The following SPSB4 variants were observed in gnomAD, a reference collection of about 807,000 sequenced individuals.
The protein encoded by SPSB4 is SPRY domain-containing SOCS box protein 4.
Under a neutral mutation model 20.9 loss-of-function variants are expected in SPSB4, and 21 were observed. The ratio of observed to expected loss-of-function variants is 1.01; its 90% CI spans 0.71 to 1.45. SPSB4 has a LOEUF of 1.45. Ranked by LOEUF, SPSB4 falls within the 40% of genes most tolerant of loss-of-function variation. SPSB4 has a pLI of 0.00. For synonymous variants in SPSB4, 207 were observed against 183.8 expected, an observed-to-expected ratio of 1.13 and a Z score of -1.02; for missense variants, 399 against 399.2, an observed-to-expected ratio of 1.00 and a Z score of 0.00.
chr3:141,097,208 G>A (rs1380915671), intron 2 of SPSB4, among the ~76,000 whole-genome samples: 1 of 151,730 alleles, frequency 6.6e-6, no homozygotes, highest in African/African-American at 2.4e-5. Context: ...GCTGTAGTCT[G>A]GCCAGGGCCT....
rs984489719 is a variant in SPSB4 at position 141,059,501 on chromosome 3, G to A, written c.-153-6451G>A. On this transcript the variant is annotated intron_variant, in intron 1 of 2. Coordinates refer to ENST00000310546, the MANE Select transcript of SPSB4 (RefSeq NM_080862.3). Reference sequence around the variant, plus strand: ...GGTGAAAACAAGAGCAAGAGGCGGGGGTGGGGAGGTGTCACACACTTTTAA... The same window carrying A: ...GGTGAAAACAAGAGCAAGAGGCGGGAGTGGGGAGGTGTCACACACTTTTAA... Among the ~76,000 whole-genome samples, 4 of 151,542 alleles carry A rather than the reference G, an allele frequency of 2.6e-5. No homozygotes were observed. The South Asian group carries it at 8.4e-4, about 32-fold the overall frequency.
At chr3:141,119,077 G>C (rs1938923740) in intron 2 of SPSB4, among the ~76,000 whole-genome samples, 1 of 152,126 alleles carries the variant, frequency 6.6e-6, no homozygotes. Context: ...AAATTACCTT[G>C]GGCAGTATGA....
chr3:141,142,189 T>G (rs1030395561), intron 2 of SPSB4, among the ~76,000 whole-genome samples: 3 of 152,248 alleles, frequency 2.0e-5, no homozygotes, highest in African/African-American at 7.2e-5. Flanking sequence ...TGCTATGAAC[T>G]TTCCTCTTAG....
chr3:141,088,125 G>A (rs55933242), intron 2 of SPSB4, among the ~76,000 whole-genome samples: 9 of 151,894 alleles, frequency 5.9e-5, no homozygotes, highest in Admixed American at 2.0e-4. Flanking sequence ...CTGAAACTCC[G>A]TCCCCCAGGG....
intron 2 of SPSB4, among the ~76,000 whole-genome samples, chr3:141,107,945 ACT>A (rs754052672): frequency 1.1e-4 from 16 of 150,308 alleles, no homozygotes; most frequent in Non-Finnish European, 2.1e-4. Context: ...ACAGAGCGAG[ACT>A]CTGTCTTAAA....
intron 2 of SPSB4, among the ~76,000 whole-genome samples, chr3:141,086,788 G>A (rs1479840749): frequency 6.6e-6 from 1 of 152,226 alleles, no homozygotes; most frequent in African/African-American, 2.4e-5. Flanking sequence ...TCTGTTATCA[G>A]CACTTTATAT....
chr3:141,116,880 T>G (rs1938887770), intron 2 of SPSB4, among the ~76,000 whole-genome samples: 1 of 152,192 alleles, frequency 6.6e-6, no homozygotes, highest in Admixed American at 6.5e-5. Flanking sequence ...CTGCTTCTGA[T>G]GAGAAGATTG....
At chr3:141,128,927 C>A (rs536769184) in intron 2 of SPSB4, among the ~76,000 whole-genome samples, 1 of 152,244 alleles carries the variant, frequency 6.6e-6, no homozygotes, top group African/African-American at 2.4e-5. Flanking sequence ...TTCTAGGGCT[C>A]CTTTTTCATT....
intron 2 of SPSB4, among the ~76,000 whole-genome samples, chr3:141,078,038 A>G (rs1341069466): frequency 6.6e-6 from 1 of 152,194 alleles, no homozygotes; most frequent in Admixed American, 6.5e-5. Context: ...TGGCAACTTT[A>G]TAATGTGCAA....
In SPSB4 at chr3:141,065,952, G is replaced by C; in HGVS notation, c.-153G>C. On this transcript the variant is annotated splice_region_variant and 5_prime_UTR_variant, in exon 2 of 3. Coordinates refer to ENST00000310546, the MANE Select transcript of SPSB4 (RefSeq NM_080862.3). The stretch of plus-strand genomic sequence containing the variant: ...ACCCGTGCCCTTTGCTTCCTTCCAG[G>C]AGCTTGGGCCCCTGCCGCAGCCCGG... 4 of 643,776 alleles carry C rather than the reference G, an allele frequency of 6.2e-6. No homozygotes were observed. The highest frequency in any genetic ancestry group is 2.5e-6 in the Non-Finnish European group (1 of 403,312). The allele number at this position is 643,776 out of a possible 1,614,324, so 39.9% of individuals were successfully genotyped here. A position where few individuals can be genotyped will look rare whatever the true frequency, so the allele number is the denominator to read the frequency against.
At chr3:141,059,959 C>G (rs780237931) in intron 1 of SPSB4, among the ~76,000 whole-genome samples, 1 of 152,244 alleles carries the variant, frequency 6.6e-6, no homozygotes, top group Non-Finnish European at 1.5e-5. Context: ...GGATTCACAT[C>G]TAGGTCTCCT....
chr3:141,143,347 G>C (rs552029954), intron 2 of SPSB4, among the ~76,000 whole-genome samples: 1 of 152,148 alleles, frequency 6.6e-6, no homozygotes, highest in African/African-American at 2.4e-5. Flanking sequence ...CCCTAGGGAC[G>C]GGGCTACCTG....
intron 2 of SPSB4, among the ~76,000 whole-genome samples, chr3:141,109,835 G>T (rs1031523534): frequency 2.0e-5 from 3 of 152,328 alleles, no homozygotes; most frequent in East Asian, 1.9e-4. Flanking sequence ...GTCACAGGCT[G>T]GGAGCAGTGC....
At chr3:141,070,218 A>G (rs1258878231) in intron 2 of SPSB4, among the ~76,000 whole-genome samples, 1 of 152,200 alleles carries the variant, frequency 6.6e-6, no homozygotes, top group East Asian at 1.9e-4. Context: ...AATAATAATA[A>G]TAATAGCAAC....
At chr3:141,060,195 A>G (rs181836285) in intron 1 of SPSB4, among the ~76,000 whole-genome samples, 2 of 152,286 alleles carry the variant, frequency 1.3e-5, no homozygotes, top group Middle Eastern at 3.4e-3. Flanking sequence ...TGGGCCCTCA[A>G]TGACCCAGTA....
intron 2 of SPSB4, among the ~76,000 whole-genome samples, chr3:141,120,719 G>C (rs1489824023): frequency 6.6e-6 from 1 of 152,156 alleles, no homozygotes; most frequent in Non-Finnish European, 1.5e-5. Context: ...TTTTATCAGA[G>C]ACTAGGATTG....
chr3:141,082,472 C>T (rs755135474), intron 2 of SPSB4, among the ~76,000 whole-genome samples: 185 of 152,324 alleles, frequency 1.2e-3, no homozygotes, highest in Non-Finnish European at 2.3e-3. Flanking sequence ...AGGTCCACAC[C>T]ACAGACATGC....
At chr3:141,088,497 C>T (rs1367311815) in intron 2 of SPSB4, among the ~76,000 whole-genome samples, 1 of 152,240 alleles carries the variant, frequency 6.6e-6, no homozygotes, top group East Asian at 1.9e-4. Flanking sequence ...CTCAGCTCAA[C>T]TGGTTAGGTA....
intron 2 of SPSB4, among the ~76,000 whole-genome samples, chr3:141,074,408 T>C (rs1314816278): frequency 6.6e-6 from 1 of 152,230 alleles, no homozygotes; most frequent in African/African-American, 2.4e-5. Flanking sequence ...ATTACAGTTA[T>C]TAAATATAGA....
Sources: allele counts gnomAD v4.1 joint callset (sites outside exome capture counted in the v4.1 genomes callset), GRCh38; gene constraint gnomAD v4.1.1; transcripts MANE v1.5; gene names NCBI Gene and HGNC (gene_info 2026-07-23, HGNC 2026-07-21).